RBFOX1: variants seen among roughly 807,000 people sequenced by gnomAD.
RBFOX1 encodes the protein RNA binding fox-1 homolog 1, also known as RNA binding protein fox-1 homolog 1.
A neutral mutation model predicts 57.7 loss-of-function variants in RBFOX1; 8 were observed. The observed-to-expected ratio is 0.14, with a 90% CI of 0.08 to 0.25. The LOEUF is 0.25. RBFOX1 is among the 10% of genes least tolerant of loss of function. RBFOX1 has a pLI of 1.00. For missense variants in RBFOX1, 611 were observed against 548.5 expected (o/e 1.11, Z -1.14); for synonymous variants, 326 against 222.4 (o/e 1.47, Z -4.15).
intron 2 of RBFOX1, among the ~76,000 whole-genome samples, chr16:5,534,125 G>T (rs1365474742): frequency 1.3e-5 from 2 of 152,154 alleles, no homozygotes; most frequent in Admixed American, 6.5e-5. Context: ...TTCACAGTCT[G>T]ATTCACTGAG....
Position 6,130,397 on chromosome 16 carries a change from T to C in RBFOX1, c.-127+110405T>C, listed in dbSNP as rs181183021. On this transcript the variant is annotated intron_variant, in intron 1 of 15. Transcript: ENST00000550418. ...ACCATGCCTAAAAATGAATAGAATA[T>C]AGCTTTAAAAATAAATGTATATGTA... Among the ~76,000 whole-genome samples, 7 of 152,206 alleles carry C rather than the reference T, an allele frequency of 4.6e-5. No individual in the cohort carries two copies. The East Asian group carries it at 7.7e-4, about 17-fold the overall frequency.
At chr16:5,772,067 G>C (rs2053997470) in intron 3 of RBFOX1, among the ~76,000 whole-genome samples, 2 of 152,112 alleles carry the variant, frequency 1.3e-5, no homozygotes, top group South Asian at 4.1e-4. Flanking sequence ...AGCTATTCAG[G>C]AGGCTGAGTC....
At chr16:7,629,266 C>T (rs1249370228) in intron 10 of RBFOX1, among the ~76,000 whole-genome samples, 2 of 152,108 alleles carry the variant, frequency 1.3e-5, no homozygotes, top group Admixed American at 6.5e-5. Flanking sequence ...ATGACATCAC[C>T]GTGCAGTCCC....
At chr16:6,592,482 A>AGT (rs1222472831) in intron 2 of RBFOX1, among the ~76,000 whole-genome samples, 2 of 152,250 alleles carry the variant, frequency 1.3e-5, no homozygotes, top group African/African-American at 4.8e-5. Context: ...AGAAATGACC[A>AGT]GTGGTAAAAT....
chr16:6,985,267 A>T (rs1199871680), intron 3 of RBFOX1, among the ~76,000 whole-genome samples: 1 of 152,188 alleles, frequency 6.6e-6, no homozygotes, highest in African/African-American at 2.4e-5. Context: ...ATTGGTAGGG[A>T]ATATATCTTA....
chr16:6,142,297 C>G (rs1264858190), intron 1 of RBFOX1, among the ~76,000 whole-genome samples: 1 of 145,862 alleles, frequency 6.9e-6, no homozygotes, highest in East Asian at 2.1e-4. Flanking sequence ...TCTTGGCTCA[C>G]TGCAAGCTCC....
At chr16:7,241,793 A>G (rs995676893) in intron 4 of RBFOX1, among the ~76,000 whole-genome samples, 11 of 151,822 alleles carry the variant, frequency 7.2e-5, no homozygotes, top group African/African-American at 9.7e-5. Context: ...CAATCTGTCT[A>G]TAAATGTAGA....
At chr16:5,347,085 C>T (rs987543715) in intron 1 of RBFOX1, among the ~76,000 whole-genome samples, 2 of 152,244 alleles carry the variant, frequency 1.3e-5, no homozygotes, top group East Asian at 3.9e-4. Flanking sequence ...AAGACTTTAT[C>T]TGGCTGCTCT....
intron 4 of RBFOX1, among the ~76,000 whole-genome samples, chr16:7,114,195 G>C (rs995515143): frequency 6.6e-6 from 1 of 152,152 alleles, no homozygotes; most frequent in African/African-American, 2.4e-5. Context: ...CAGTCTTTAC[G>C]TGGAGGTGCT....
At chr16:7,541,521 A>G (rs2082935432) in intron 5 of RBFOX1, among the ~76,000 whole-genome samples, 1 of 151,826 alleles carries the variant, frequency 6.6e-6, no homozygotes, top group Non-Finnish European at 1.5e-5. Context: ...ACTGTCATTT[A>G]CAGGATAGGA....
intron 2 of RBFOX1, among the ~76,000 whole-genome samples, chr16:5,553,640 A>G (rs2045554183): frequency 2.8e-5 from 4 of 140,944 alleles, no homozygotes; most frequent in African/African-American, 5.5e-5. Flanking sequence ...AAAACTGTGC[A>G]GTAAGCTAAA....
intron 4 of RBFOX1, among the ~76,000 whole-genome samples, chr16:7,153,940 A>C (rs2076588712): frequency 2.0e-5 from 3 of 152,124 alleles, no homozygotes; most frequent in Admixed American, 1.3e-4. Flanking sequence ...AACCCTTTTA[A>C]ATGACGAGAA....
chr16:6,493,168 G>A (rs922450138), intron 2 of RBFOX1, among the ~76,000 whole-genome samples: 1 of 152,174 alleles, frequency 6.6e-6, no homozygotes, highest in Non-Finnish European at 1.5e-5. Context: ...TTCTGTGTTG[G>A]ACATAGGCAA....
intron 1 of RBFOX1, among the ~76,000 whole-genome samples, chr16:6,207,810 G>A (rs1243048766): frequency 6.6e-6 from 1 of 152,024 alleles, no homozygotes; most frequent in Admixed American, 6.6e-5. Context: ...ACCTCAGCCT[G>A]TTGCGTAGCT....
chr16:5,758,724 C>T (rs897261878), intron 3 of RBFOX1, among the ~76,000 whole-genome samples: 1 of 152,086 alleles, frequency 6.6e-6, no homozygotes, highest in Non-Finnish European at 1.5e-5. Context: ...TCAGGGAAGA[C>T]GTGGAATGGT....
In RBFOX1 at chr16:5,242,772, C is replaced by G. The variant is rs139462722; in HGVS notation, c.219+2667C>G. On this transcript the variant is annotated intron_variant, in intron 1 of 2. Coordinates refer to the RBFOX1 transcript ENST00000585867. Reference sequence around the variant, plus strand: ...TGCTTTTAAGGATAAAATGTTCTTTCTCATCACCAGGCCTGGTGCTCTGGA... The same window carrying G: ...TGCTTTTAAGGATAAAATGTTCTTTGTCATCACCAGGCCTGGTGCTCTGGA... 4.8e-3 allele frequency among the ~76,000 whole-genome samples: 732 copies of G among 152,158 alleles called. 4 individuals carry two copies. Among genetic ancestry groups the G allele is most frequent in the African/African-American group, 0.016 (666 of 41,494 alleles).
intron 4 of RBFOX1, among the ~76,000 whole-genome samples, chr16:7,493,896 C>T (rs1376211373): frequency 3.3e-5 from 5 of 152,192 alleles, no homozygotes; most frequent in Non-Finnish European, 7.3e-5. Context: ...ATCGTCATCT[C>T]AGTAGGTGCT....
At chr16:7,309,967 A>T (rs1393882450) in intron 4 of RBFOX1, among the ~76,000 whole-genome samples, 2 of 152,336 alleles carry the variant, frequency 1.3e-5, no homozygotes, top group South Asian at 4.1e-4. Flanking sequence ...CCATTCATCA[A>T]TAAAGTTTCC....
intron 5 of RBFOX1, among the ~76,000 whole-genome samples, chr16:7,561,457 T>G (rs1894451234): frequency 1.3e-5 from 2 of 152,230 alleles, no homozygotes; most frequent in African/African-American, 4.8e-5. Context: ...CCTTCCCACC[T>G]GCCAATGCAG....
Sources: gnomAD v4.1 joint callset for allele counts (sites outside exome capture counted in the v4.1 genomes callset) on GRCh38, gnomAD v4.1.1 for gene constraint, MANE v1.5 for transcripts, NCBI Gene and HGNC (gene_info 2026-07-23, HGNC 2026-07-21) for gene names.